Variants in KCNJ18 observed in about 807,000 individuals in gnomAD.
The protein encoded by KCNJ18 is inward rectifier potassium channel 18.
KCNJ18 carries 16 observed loss-of-function variants against 17.3 expected under a neutral mutation model. That is an observed-to-expected ratio of 0.92 (90% CI 0.62 to 1.40). The LOEUF is 1.40. Ranked by LOEUF, KCNJ18 falls within the 40% of genes most tolerant of loss-of-function variation. The probability of loss-of-function intolerance (pLI) is 0.00; values close to 1 mark genes in which losing one functional copy is unlikely to be tolerated. For missense variants in KCNJ18, 462 were observed against 626.8 expected (o/e 0.74, Z 2.81); for synonymous variants, 185 against 262.6 (o/e 0.70, Z 2.86).
rs1415235984 is a variant in KCNJ18 at position 21,703,081 on chromosome 17, G to C, written c.295G>C (p.Gly99Arg). Residue 99 changes from glycine (G) to arginine (R), a missense_variant, in exon 3 of 3, where the codon GGC becomes CGC. By Grantham distance (125) the Gly-to-Arg change is moderately radical. This residue lies in a region of KCNJ18 where 237 missense variants were observed against 259.4 expected (regional missense o/e 0.91). Transcript: ENST00000567955. ...LAFLASWLLF[G>R]VIFWVIAVAH... Reference sequence around the variant, plus strand: ...CTTCCTTGCCTCCTGGCTGCTGTTCGGCGTCATCTTCTGGGTCATCGCGGT... The same window carrying C: ...CTTCCTTGCCTCCTGGCTGCTGTTCCGCGTCATCTTCTGGGTCATCGCGGT... The C allele has an allele frequency of 6.8e-6, 11 of 1,612,790 alleles. No homozygotes were observed. In the Admixed American group the frequency reaches 1.0e-4, roughly 15 times the overall value.
Position 21,703,572 on chromosome 17 carries a change from C to T in KCNJ18, c.786C>T (p.Ile262=), listed in dbSNP as rs1341605741. 5 of 1,612,632 alleles carry T rather than the reference C, an allele frequency of 3.1e-6. No homozygotes were observed. In the Admixed American group the frequency reaches 8.3e-5, roughly 27 times the overall value. The change falls in exon 3 of 3, where the codon ATC becomes ATT. Residue 262 remains isoleucine, a synonymous_variant. Transcript: ENST00000567955. ...DVGFDKGLDR[I]FLVSPITILH... ...GCTTCGACAAGGGCCTGGACCGCAT[C>T]TTTCTGGTGTCGCCCATCACCATCT...
rs1906064649 is a variant in KCNJ18 at position 21,703,812 on chromosome 17, C to T, written c.1026C>T (p.Tyr342=). The change falls in exon 3 of 3, where the codon TAC becomes TAT. Residue 342 remains tyrosine (Y), a synonymous_variant. Coordinates refer to ENST00000567955, the MANE Select transcript of KCNJ18 (RefSeq NM_001194958.2). ...AGAAGAACCAGTACAAGATTGACTA[C>T]TCGCACTTCCACAAGACCTATGAGG... The part of the protein sequence containing the change: ...FEEKNQYKID[Y]SHFHKTYEVP... The T allele has an allele frequency of 1.9e-6, 3 of 1,609,720 alleles. No individual in the cohort carries two copies. The highest frequency in any genetic ancestry group is 1.3e-5 in the African/African-American group (1 of 74,912).
At chr17:21,698,681 T>A (rs1453321616) in intron 2 of KCNJ18, among the ~76,000 whole-genome samples, 6 of 152,166 alleles carry the variant, frequency 3.9e-5, no homozygotes, top group African/African-American at 1.4e-4. Context: ...CGGAAGCACC[T>A]CCCGGTGACT....
intron 2 of KCNJ18, among the ~76,000 whole-genome samples, chr17:21,697,411 T>G (rs2142268157): frequency 6.6e-6 from 1 of 152,428 alleles, no homozygotes; most frequent in East Asian, 1.9e-4. Context: ...GTGGGGAAGT[T>G]TGGCCTGGAA....
intron 2 of KCNJ18, among the ~76,000 whole-genome samples, chr17:21,698,859 C>T (rs1474204524): frequency 5.7e-3 from 872 of 152,364 alleles, no homozygotes; most frequent in African/African-American, 0.019. Flanking sequence ...CTGCCGGGCC[C>T]GCGCTCTCTC....
In KCNJ18 at chr17:21,703,505, A is replaced by G. The variant is rs2142273600; in HGVS notation, c.719A>G (p.Glu240Gly). 16 of 1,604,552 alleles carry G rather than the reference A, an allele frequency of 1.0e-5. No homozygotes were observed. The highest frequency in any genetic ancestry group is 1.3e-5 in the Non-Finnish European group (15 of 1,176,056). ...CTCATCAAGCCGCGGGTCACCGAGG[A>G]GGGCGAGTACATCCCGCTGGACCAG... Reference protein sequence around the residue: ...AQLIKPRVTEEGEYIPLDQID... With the variant: ...AQLIKPRVTEGGEYIPLDQID... Residue 240 changes from glutamate (E) to glycine (G), a missense_variant, in exon 3 of 3, where the codon GAG becomes GGG. Transcript: ENST00000567955.
At chr17:21,700,176 G>A (rs1905905813) in intron 2 of KCNJ18, among the ~76,000 whole-genome samples, 1 of 151,716 alleles carries the variant, frequency 6.6e-6, no homozygotes, top group Non-Finnish European at 1.5e-5. Context: ...CAGCTCCTCA[G>A]CGTCATGGTG....
chr17:21,693,011 C>T (rs1905647868), intron 1 of KCNJ18, among the ~76,000 whole-genome samples: 1 of 152,310 alleles, frequency 6.6e-6, no homozygotes, highest in Non-Finnish European at 1.5e-5. Flanking sequence ...GCCCTGCCCT[C>T]CCCTGCGGGA....
chr17:21,702,129 G>A (rs1567787540), intron 2 of KCNJ18, among the ~76,000 whole-genome samples: 1 of 152,204 alleles, frequency 6.6e-6, no homozygotes, highest in East Asian at 1.9e-4. Flanking sequence ...TGCCAAGGTG[G>A]CGAGGCAGTG....
chr17:21,703,209 G>T lies in KCNJ18; in HGVS notation c.423G>T (p.Gln141His). 6.2e-7 allele frequency: 1 copy of T among 1,610,688 alleles called. No individual in the cohort carries two copies. Among genetic ancestry groups the T allele is most frequent in the Non-Finnish European group, 8.5e-7 (1 of 1,179,266 alleles). ...MAAFLFSIET[Q>H]TTIGYGLRCV... ...CCTTCCTCTTCTCCATCGAGACGCA[G>T]ACCACCATCGGCTACGGGCTGCGCT... The change falls in exon 3 of 3, where the codon CAG becomes CAT. Residue 141 changes from glutamine (Q) to histidine (H), a missense_variant. Around this residue, in one of 5 missense-constraint regions of KCNJ18, gnomAD observed 237 missense variants for 259.4 expected, o/e 0.91. Coordinates refer to ENST00000567955, the MANE Select transcript of KCNJ18 (RefSeq NM_001194958.2).
chr17:21,704,149 A>G lies in KCNJ18; in HGVS notation c.*61A>G. On this transcript the variant is annotated 3_prime_UTR_variant, in exon 3 of 3. Coordinates refer to ENST00000567955, the MANE Select transcript of KCNJ18 (RefSeq NM_001194958.2). Reference sequence around the variant, plus strand: ...CCGGGGAGAGGCCCCGCGGTCGCTCAGGGGCCCTGGGTTTGAGCAGAACGG... The same window carrying G: ...CCGGGGAGAGGCCCCGCGGTCGCTCGGGGGCCCTGGGTTTGAGCAGAACGG... The G allele has an allele frequency of 2.7e-6, 4 of 1,464,714 alleles. No homozygotes were observed. Among genetic ancestry groups the G allele is most frequent in the Non-Finnish European group, 3.6e-6 (4 of 1,107,476 alleles). 90.7% of individuals were successfully genotyped at this position (1,464,714 alleles called of 1,614,324 possible).
chr17:21,695,378 T>C (rs1274453969), intron 1 of KCNJ18, among the ~76,000 whole-genome samples: 48,480 of 147,874 alleles, frequency 0.33, 2,834 homozygotes, highest in East Asian at 0.58. Flanking sequence ...ATATACCCAC[T>C]CATCCATTTA....
intron 2 of KCNJ18, among the ~76,000 whole-genome samples, chr17:21,701,940 G>GA (rs1198583824): frequency 8.9e-4 from 122 of 137,372 alleles, no homozygotes; most frequent in Admixed American, 5.8e-4. Flanking sequence ...AAAAAGAAAA[G>GA]AAAAAAAAAG....
chr17:21,703,635 C>T lies in KCNJ18; in HGVS notation c.849C>T (p.Ile283=), dbSNP rs1405773999. The change falls in exon 3 of 3, where the codon ATC becomes ATT. Residue 283 remains isoleucine, a synonymous_variant. Coordinates refer to ENST00000567955, the MANE Select transcript of KCNJ18 (RefSeq NM_001194958.2). ...ACGAGGCCAGCCCGCTCTTCGGCAT[C>T]AGCCGGCAGGACCTGGAGACGGACG... ...EIDEASPLFG[I]SRQDLETDDF... is the part of the protein sequence containing the mutation. The T allele has an allele frequency of 5.0e-6, 8 of 1,610,436 alleles. No individual in the cohort carries two copies. The Admixed American group carries it at 1.0e-4, about 20-fold the overall frequency.
intron 2 of KCNJ18, among the ~76,000 whole-genome samples, chr17:21,697,895 T>C (rs1277326848): frequency 6.6e-6 from 1 of 152,310 alleles, no homozygotes; most frequent in East Asian, 1.9e-4. Context: ...TGAGGAATGG[T>C]GCTTGCCTGG....
chr17:21,698,403 A>T (rs1232703380), intron 2 of KCNJ18, among the ~76,000 whole-genome samples: 1 of 151,890 alleles, frequency 6.6e-6, no homozygotes, highest in Non-Finnish European at 1.5e-5. Flanking sequence ...CACTTGATAG[A>T]TACTGAGTGC....
intron 1 of KCNJ18, among the ~76,000 whole-genome samples, chr17:21,693,198 C>A (rs1308180863): frequency 1.3e-5 from 2 of 152,308 alleles, no homozygotes; most frequent in South Asian, 2.1e-4. Flanking sequence ...GGAGCTCTGG[C>A]CAGGGCATCC....
intron 1 of KCNJ18, among the ~76,000 whole-genome samples, chr17:21,694,229 C>T (rs1905689262): frequency 6.6e-6 from 1 of 152,104 alleles, no homozygotes; most frequent in Non-Finnish European, 1.5e-5. Flanking sequence ...AAAGGGCAGG[C>T]CCCATGAACT....
rs1320302532 is a variant in KCNJ18 at position 21,698,541 on chromosome 17, C to G, written c.-57+2437C>G. On this transcript the variant is annotated intron_variant, in intron 2 of 2. Coordinates refer to ENST00000567955, the MANE Select transcript of KCNJ18 (RefSeq NM_001194958.2). ...GGTGATGCAGGCGCCTGCACTCTCC[C>G]TTCCAGTCAGTGCTTTCTTGGTGTC... Among the ~76,000 whole-genome samples, 1,329 of 152,158 alleles carry G rather than the reference C, an allele frequency of 8.7e-3. 27 individuals carry two copies. The highest frequency in any genetic ancestry group is 0.03 in the African/African-American group (1,257 of 41,462).
Sources: gnomAD v4.1 joint callset for allele counts (sites outside exome capture counted in the v4.1 genomes callset) on GRCh38, gnomAD v4.1.1 for gene constraint, gnomAD v4.1.1 regional missense constraint, MANE v1.5 for transcripts, NCBI Gene and HGNC (gene_info 2026-07-23, HGNC 2026-07-21) for gene names.